Variants in ZNF521 observed in about 807,000 individuals in gnomAD.
ZNF521 encodes LYST-interacting protein 3.
Under a neutral mutation model 105.5 loss-of-function variants are expected in ZNF521, and 14 were observed. The ratio of observed to expected loss-of-function variants is 0.13; its 90% CI spans 0.09 to 0.21. The LOEUF (loss-of-function observed/expected upper bound fraction) is 0.21, where lower values mean the gene tolerates loss of function less well. Ranked by LOEUF, ZNF521 falls within the 10% of genes least tolerant of loss-of-function variation. The pLI, the probability that ZNF521 is intolerant of heterozygous loss-of-function variation, is 1.00. For missense variants in ZNF521, 1,233 were observed against 1,629.7 expected (o/e 0.76, Z 4.19); for synonymous variants, 635 against 606.0 (o/e 1.05, Z -0.70).
At chr18:25,212,120 TC>T (rs1171308938) in intron 4 of ZNF521, among the ~76,000 whole-genome samples, 1 of 152,166 alleles carries the variant, frequency 6.6e-6, no homozygotes, top group Non-Finnish European at 1.5e-5. Flanking sequence ...CTCTGCCTAT[TC>T]TTTTTCTTCA....
chr18:25,134,539 T>C (rs1256366902), intron 5 of ZNF521, among the ~76,000 whole-genome samples: 2 of 152,116 alleles, frequency 1.3e-5, no homozygotes, highest in Non-Finnish European at 2.9e-5. Context: ...CTGCCCAAAC[T>C]GCATCTGATG....
At chr18:25,349,685 G>C (rs1598499402) in intron 2 of ZNF521, among the ~76,000 whole-genome samples, 1 of 151,660 alleles carries the variant, frequency 6.6e-6, no homozygotes, top group South Asian at 2.1e-4. Context: ...GGGAACCGGG[G>C]CCACGGGGCG....
At chr18:25,216,179 T>C (rs1905314738) in intron 4 of ZNF521, among the ~76,000 whole-genome samples, 1 of 152,092 alleles carries the variant, frequency 6.6e-6, no homozygotes, top group African/African-American at 2.4e-5. Context: ...AACAGAACAA[T>C]ACAAAACAGA....
At chr18:25,334,739 G>A (rs755017518) in intron 2 of ZNF521, among the ~76,000 whole-genome samples, 10 of 152,086 alleles carry the variant, frequency 6.6e-5, no homozygotes, top group Non-Finnish European at 1.3e-4. Context: ...CAAAGCAGCC[G>A]CAATACTGAG....
intron 2 of ZNF521, among the ~76,000 whole-genome samples, chr18:25,348,879 C>T (rs1914577124): frequency 6.6e-6 from 1 of 152,092 alleles, no homozygotes; most frequent in African/African-American, 2.4e-5. Context: ...TGACGGATTC[C>T]CTTTACTGCC....
At chr18:25,077,187 C>A (rs1210040448) in intron 7 of ZNF521, among the ~76,000 whole-genome samples, 1 of 152,152 alleles carries the variant, frequency 6.6e-6, no homozygotes, top group African/African-American at 2.4e-5. Flanking sequence ...GCTCTGAATA[C>A]AAGGGTCACA....
At chr18:25,087,783 C>G (rs1043863392) in intron 7 of ZNF521, among the ~76,000 whole-genome samples, 1 of 152,146 alleles carries the variant, frequency 6.6e-6, no homozygotes, top group Non-Finnish European at 1.5e-5. Flanking sequence ...GACAGAATAG[C>G]ATTTTTAGAA....
At position 25,117,937 on chromosome 18, in the gene ZNF521, C is replaced by A. The variant is rs1390989078; in HGVS notation, c.3659-25856G>T. ...GTATAAGAAAACCACATAAGCATAT[C>A]CTAGTCAAATAGTTCAAAAGCAATA... is the stretch of plus-strand genomic sequence containing the variant. On this transcript the variant is annotated intron_variant, in intron 5 of 7. Transcript: ENST00000361524. Among the ~76,000 whole-genome samples, 5 of 152,062 alleles carry A rather than the reference C, an allele frequency of 3.3e-5. No individual in the cohort carries two copies. In the East Asian group the frequency reaches 9.7e-4, roughly 29 times the overall value.
At chr18:25,132,718 T>C (rs2034662315) in intron 5 of ZNF521, among the ~76,000 whole-genome samples, 2 of 152,172 alleles carry the variant, frequency 1.3e-5, no homozygotes, top group African/African-American at 4.8e-5. Flanking sequence ...GCTATTTGAT[T>C]TTGACAAGCC....
chr18:25,283,190 G>A (rs1405210529), intron 3 of ZNF521, among the ~76,000 whole-genome samples: 1 of 152,108 alleles, frequency 6.6e-6, no homozygotes, highest in Non-Finnish European at 1.5e-5. Flanking sequence ...TTTTTTCTCA[G>A]CAAAGAGCTT....
intron 3 of ZNF521, among the ~76,000 whole-genome samples, chr18:25,250,253 CT>C (rs1568035168): frequency 6.6e-6 from 1 of 152,168 alleles, no homozygotes; most frequent in Non-Finnish European, 1.5e-5. Context: ...ACACTCTTTC[CT>C]ATTAAGCAAG....
chr18:25,156,738 T>G (rs1156803623), intron 5 of ZNF521, among the ~76,000 whole-genome samples: 3 of 152,182 alleles, frequency 2.0e-5, no homozygotes, highest in Non-Finnish European at 4.4e-5. Context: ...GAAAAATATA[T>G]GCATATTAAA....
intron 3 of ZNF521, among the ~76,000 whole-genome samples, chr18:25,279,954 A>T (rs966457773): frequency 6.6e-6 from 1 of 152,232 alleles, no homozygotes; most frequent in Non-Finnish European, 1.5e-5. Context: ...TTTACAGCAT[A>T]ATGTCACAAA....
At chr18:25,110,442 C>CA (rs372395726) in intron 5 of ZNF521, among the ~76,000 whole-genome samples, 2 of 148,886 alleles carry the variant, frequency 1.3e-5, no homozygotes, top group African/African-American at 5.0e-5. Flanking sequence ...GGCAGGAGAC[C>CA]AAAAAAGAAA....
chr18:25,217,441 C>A (rs1389787757), intron 4 of ZNF521, among the ~76,000 whole-genome samples: 1 of 152,134 alleles, frequency 6.6e-6, no homozygotes, highest in Non-Finnish European at 1.5e-5. Flanking sequence ...AGGTTTCTTG[C>A]TTGAGTAATT....
At chr18:25,291,656 T>C (rs1340666944) in intron 3 of ZNF521, among the ~76,000 whole-genome samples, 1 of 152,132 alleles carries the variant, frequency 6.6e-6, no homozygotes, top group Non-Finnish European at 1.5e-5. Context: ...CCTGAGTCAA[T>C]AAATGCCACA....
At chr18:25,077,772 G>A (rs1340445877) in intron 7 of ZNF521, among the ~76,000 whole-genome samples, 1 of 152,076 alleles carries the variant, frequency 6.6e-6, no homozygotes, top group Admixed American at 6.5e-5. Flanking sequence ...TGCAACTGTG[G>A]TTAAGCAGAG....
intron 7 of ZNF521, 97 bp from the exon 8 acceptor site, chr18:25,062,838 T>C: frequency 8.9e-7 from 1 of 1,126,152 alleles, no homozygotes; most frequent in Non-Finnish European, 1.2e-6. Flanking sequence ...AGACCAAGCA[T>C]ATATACATGT....
chr18:25,290,552 A>G (rs564943611), intron 3 of ZNF521, among the ~76,000 whole-genome samples: 3 of 151,294 alleles, frequency 2.0e-5, no homozygotes, highest in African/African-American at 7.3e-5. Context: ...CTAGAGAGCA[A>G]TTTCTACTTC....
Sources: allele counts gnomAD v4.1 joint callset (sites outside exome capture counted in the v4.1 genomes callset), GRCh38; gene constraint gnomAD v4.1.1; transcripts MANE v1.5; gene names NCBI Gene and HGNC (gene_info 2026-07-23, HGNC 2026-07-21).